The following SPECC1L variants were observed in gnomAD, a reference collection of about 807,000 sequenced individuals.
SPECC1L encodes sperm antigen with calponin homology and coiled-coil domains 1 like, also known as cytospin-A.
A neutral mutation model predicts 116.8 loss-of-function variants in SPECC1L; 40 were observed. The ratio of observed to expected loss-of-function variants is 0.34; its 90% CI spans 0.27 to 0.45. The LOEUF is 0.45. Among genes scored for constraint, SPECC1L ranks in the 20% least tolerant of loss-of-function variants. The pLI is 1.00. For synonymous variants in SPECC1L, 504 were observed against 500.6 expected, an observed-to-expected ratio of 1.01 and a Z score of -0.09; for missense variants, 1,110 against 1,373.6, an observed-to-expected ratio of 0.81 and a Z score of 3.03.
At chr22:24,282,018 G>C (rs548492956) in intron 2 of SPECC1L, among the ~76,000 whole-genome samples, 2 of 152,364 alleles carry the variant, frequency 1.3e-5, no homozygotes, top group Admixed American at 6.5e-5. Flanking sequence ...CTTGGTAGGT[G>C]GGGGGAAGCC....
At chr22:24,367,306 G>A (rs745606975) in intron 13 of SPECC1L, among the ~76,000 whole-genome samples, 81 of 152,168 alleles carry the variant, frequency 5.3e-4, no homozygotes, top group Non-Finnish European at 8.1e-4. Flanking sequence ...CTGTGGTTTA[G>A]TGATAGTATA....
At chr22:24,274,998 C>G (rs1028141872) in intron 1 of SPECC1L, among the ~76,000 whole-genome samples, 3 of 152,198 alleles carry the variant, frequency 2.0e-5, no homozygotes, top group Non-Finnish European at 4.4e-5. Flanking sequence ...TATTTCCTTG[C>G]CCTTTTCATG....
At chr22:24,319,029 CT>C (rs2040664051) in intron 4 of SPECC1L, among the ~76,000 whole-genome samples, 1 of 152,126 alleles carries the variant, frequency 6.6e-6, no homozygotes, top group African/African-American at 2.4e-5. Flanking sequence ...TTTCTTGCCT[CT>C]TCTCTGTTCT....
intron 14 of SPECC1L, among the ~76,000 whole-genome samples, chr22:24,380,871 C>G (rs1393360717): frequency 6.6e-6 from 1 of 151,922 alleles, no homozygotes; most frequent in African/African-American, 2.4e-5. Flanking sequence ...CTTTTTTTCT[C>G]TTTTTTAAAA....
intron 13 of SPECC1L, among the ~76,000 whole-genome samples, chr22:24,367,523 AG>A (rs1249504056): frequency 6.6e-6 from 1 of 152,106 alleles, no homozygotes; most frequent in African/African-American, 2.4e-5. Flanking sequence ...ATTGTGGCCC[AG>A]GGAAGCCAAA....
At chr22:24,314,747 A>G (rs1262212319) in intron 4 of SPECC1L, among the ~76,000 whole-genome samples, 2 of 152,326 alleles carry the variant, frequency 1.3e-5, no homozygotes, top group East Asian at 3.9e-4. Context: ...GGACAGATTC[A>G]GGTCCCCTGT....
intron 11 of SPECC1L, among the ~76,000 whole-genome samples, chr22:24,349,952 A>G (rs62233139): frequency 0.1 from 15,634 of 152,160 alleles, 1,748 homozygotes; most frequent in African/African-American, 0.27. Context: ...TTCTTCTAGA[A>G]GAGGAGCCAG....
At chr22:24,384,962 G>C (rs1302172266) in intron 14 of SPECC1L, among the ~76,000 whole-genome samples, 1 of 151,652 alleles carries the variant, frequency 6.6e-6, no homozygotes, top group African/African-American at 2.4e-5. Flanking sequence ...TACTTGGGAG[G>C]CTGAGGCAGG....
chr22:24,393,829 C>T (rs949778788), intron 14 of SPECC1L, among the ~76,000 whole-genome samples: 1 of 152,112 alleles, frequency 6.6e-6, no homozygotes. Context: ...TTTGTACTGC[C>T]GTCATCCTGC....
At chr22:24,391,494 C>G (rs1374388183) in intron 14 of SPECC1L, among the ~76,000 whole-genome samples, 1 of 152,042 alleles carries the variant, frequency 6.6e-6, no homozygotes, top group Non-Finnish European at 1.5e-5. Context: ...AGGCTTTTCT[C>G]CCCTGGATGA....
intron 3 of SPECC1L, among the ~76,000 whole-genome samples, chr22:24,312,591 A>G (rs2040483758): frequency 6.6e-6 from 1 of 152,194 alleles, no homozygotes; most frequent in Admixed American, 6.5e-5. Context: ...CATTTCTAGG[A>G]GAAGTAAAAA....
rs201737560 is a variant in SPECC1L at position 24,322,446 on chromosome 22, T to C, written c.1466T>C (p.Met489Thr). ...IDEDVKSGRY[M>T]ELEQRYMDLA... is the part of the protein sequence containing the mutation. ...GAAGATGTAAAAAGTGGGCGCTATA[T>C]GGAATTAGAGCAACGTTACATGGAC... is the stretch of plus-strand genomic sequence containing the variant. Residue 489 changes from methionine to threonine, a missense_variant, in exon 5 of 17, where the codon ATG (methionine) becomes ACG (threonine). Transcript: ENST00000314328. 30 of 1,614,060 alleles carry C rather than the reference T, an allele frequency of 1.9e-5. No homozygotes were observed. Among genetic ancestry groups the C allele is most frequent in the Admixed American group, 3.3e-5 (2 of 60,006 alleles).
At chr22:24,382,264 T>C (rs1274997316) in intron 14 of SPECC1L, among the ~76,000 whole-genome samples, 1 of 152,190 alleles carries the variant, frequency 6.6e-6, no homozygotes, top group Non-Finnish European at 1.5e-5. Flanking sequence ...GGGCGGTGGC[T>C]AACTCTTCAC....
chr22:24,376,001 CATT>C (rs571683763), intron 14 of SPECC1L, among the ~76,000 whole-genome samples: 28 of 152,096 alleles, frequency 1.8e-4, no homozygotes, highest in Middle Eastern at 3.4e-3. Flanking sequence ...ACAGTTTTAA[CATT>C]ATACTTAATG....
At chr22:24,398,940 G>A (rs1364527728) in intron 14 of SPECC1L, among the ~76,000 whole-genome samples, 1 of 152,186 alleles carries the variant, frequency 6.6e-6, no homozygotes, top group African/African-American at 2.4e-5. Context: ...AGTTGAGATT[G>A]CATTTTAGTG....
chr22:24,373,627 A>G (rs1179569803), intron 14 of SPECC1L, among the ~76,000 whole-genome samples: 1 of 152,262 alleles, frequency 6.6e-6, no homozygotes, highest in Non-Finnish European at 1.5e-5. Context: ...AATTAATTCA[A>G]GATGGATTAA....
intron 14 of SPECC1L, among the ~76,000 whole-genome samples, chr22:24,384,987 C>T (rs1156956692): frequency 6.6e-6 from 1 of 150,468 alleles, no homozygotes; most frequent in African/African-American, 2.4e-5. Flanking sequence ...TGGCTGAACC[C>T]GGGAGGCAGA....
At chr22:24,280,250 G>A (rs1354394199) in intron 2 of SPECC1L, among the ~76,000 whole-genome samples, 1 of 152,148 alleles carries the variant, frequency 6.6e-6, no homozygotes, top group Non-Finnish European at 1.5e-5. Flanking sequence ...ATGGTGTTTT[G>A]CTTACCTACT....
intron 14 of SPECC1L, among the ~76,000 whole-genome samples, chr22:24,407,879 C>T (rs1374014139): frequency 1.3e-5 from 2 of 152,142 alleles, no homozygotes; most frequent in African/African-American, 4.8e-5. Flanking sequence ...TACCCTAATC[C>T]TAGACTTACT....
Sources: gnomAD v4.1 joint callset for allele counts (sites outside exome capture counted in the v4.1 genomes callset) on GRCh38, gnomAD v4.1.1 for gene constraint, MANE v1.5 for transcripts, NCBI Gene and HGNC (gene_info 2026-07-23, HGNC 2026-07-21) for gene names.